The following FANCB variants were observed in gnomAD, a reference collection of about 807,000 sequenced individuals.
FANCB encodes FA complementation group B, also known as Fanconi anemia group B protein.
In FANCB, 5 loss-of-function variants were observed where a neutral mutation model predicts 38.9. The observed-to-expected ratio is 0.13, with a 90% CI of 0.07 to 0.27. The LOEUF is 0.27. Ranked by LOEUF, FANCB falls within the 10% of genes least tolerant of loss-of-function variation. FANCB has a pLI of 1.00. For missense variants in FANCB, 573 were observed against 602.7 expected (o/e 0.95, Z 0.52); for synonymous variants, 236 against 215.4 (o/e 1.10, Z -0.84).
downstream of FANCB, among the ~76,000 whole-genome samples, chrX:14,833,789 G>A (rs779560531): frequency 4.6e-5 from 5 of 109,515 alleles, no homozygotes; most frequent in South Asian, 7.9e-4. Context: ...GTGAAACCTC[G>A]TCTCTTAAAA....
the FANCB span, among the ~76,000 whole-genome samples, chrX:14,698,681 CAAAAAAAA>C: frequency 1.7e-3 from 35 of 21,137 alleles, no homozygotes; most frequent in East Asian, 0.051. Flanking sequence ...CTATCTATCT[CAAAAAAAA>C]AAAAAAAAAA....
chrX:14,868,384 T>C (rs1455594403), intron 2 of FANCB, among the ~76,000 whole-genome samples: 1 of 112,159 alleles, frequency 8.9e-6, no homozygotes, highest in Non-Finnish European at 1.9e-5. Context: ...ATACTATTAA[T>C]ACAGCCACAA....
At chrX:14,860,881 C>A (rs1229680011) in intron 3 of FANCB, among the ~76,000 whole-genome samples, 1 of 110,391 alleles carries the variant, frequency 9.1e-6, no homozygotes, top group Non-Finnish European at 1.9e-5. Flanking sequence ...ATTTTATTGA[C>A]AGATGGATTT....
chrX:14,763,729 C>T, the FANCB span, among the ~76,000 whole-genome samples: 1 of 111,827 alleles, frequency 8.9e-6, no homozygotes, highest in African/African-American at 3.2e-5. Flanking sequence ...CTAATGCTTG[C>T]TCCTACAACT....
chrX:14,785,113 G>A, the FANCB span, among the ~76,000 whole-genome samples: 2 of 111,431 alleles, frequency 1.8e-5, no homozygotes, highest in African/African-American at 6.5e-5. Flanking sequence ...ACACCACCAT[G>A]GCACACGTTT....
the FANCB span, among the ~76,000 whole-genome samples, chrX:14,738,512 G>T: frequency 2.7e-5 from 3 of 111,975 alleles, no homozygotes; most frequent in African/African-American, 9.7e-5. Context: ...AAAAACATTG[G>T]TGAAGGAGGA....
At chrX:14,702,501 T>C in the FANCB span, among the ~76,000 whole-genome samples, 1 of 112,375 alleles carries the variant, frequency 8.9e-6, no homozygotes, top group African/African-American at 3.2e-5. Flanking sequence ...CTGGGATGTA[T>C]ATTATAAACT....
At chrX:14,855,310 T>C (rs1158042752) in intron 5 of FANCB, among the ~76,000 whole-genome samples, 1 of 112,188 alleles carries the variant, frequency 8.9e-6, no homozygotes, top group South Asian at 3.7e-4. Context: ...TTACGTCATG[T>C]GCAAAATGGT....
At chrX:14,868,097 C>G (rs1379304309) in intron 2 of FANCB, among the ~76,000 whole-genome samples, 1 of 111,532 alleles carries the variant, frequency 9.0e-6, no homozygotes, top group Non-Finnish European at 1.9e-5. Context: ...GGAACACTTA[C>G]ACACTGCTGG....
chrX:14,842,563 T>C (rs1448394263), downstream of FANCB, among the ~76,000 whole-genome samples: 5 of 112,061 alleles, frequency 4.5e-5, no homozygotes, highest in Non-Finnish European at 9.4e-5. Flanking sequence ...TTCTTATTTT[T>C]CAAAGAAAAG....
chrX:14,851,734 CA>C (rs1430848117), intron 6 of FANCB, among the ~76,000 whole-genome samples: 1 of 112,063 alleles, frequency 8.9e-6, no homozygotes, highest in East Asian at 2.8e-4. Context: ...CTAAAATTGG[CA>C]AAATCATTGA....
chrX:14,745,731 A>G, the FANCB span, among the ~76,000 whole-genome samples: 2 of 75,745 alleles, frequency 2.6e-5, no homozygotes, highest in Non-Finnish European at 4.6e-5. Flanking sequence ...ACAGAGTCTC[A>G]CTCTGTCGCC....
the FANCB span, among the ~76,000 whole-genome samples, chrX:14,765,833 G>A: frequency 4.5e-5 from 5 of 111,630 alleles, no homozygotes; most frequent in East Asian, 1.1e-3. Context: ...CCACTCTGCC[G>A]CCGGAGAAAT....
the FANCB span, among the ~76,000 whole-genome samples, chrX:14,819,139 T>C: frequency 8.9e-6 from 1 of 111,991 alleles, no homozygotes; most frequent in East Asian, 2.8e-4. Flanking sequence ...GTCATACAGG[T>C]GGCTAGTGGT....
chrX:14,848,996 T>C lies in FANCB; in HGVS notation c.1496+1509A>G, dbSNP rs143526683. Among the ~76,000 whole-genome samples, 539 of 111,237 alleles carry C rather than the reference T, an allele frequency of 4.8e-3. 4 individuals carry two copies. Among genetic ancestry groups the C allele is most frequent in the African/African-American group, 0.017 (525 of 30,523 alleles). On this transcript the variant is annotated intron_variant, in intron 7 of 9. Transcript: ENST00000650831. ...GCCTAGGAACAAAGAGAGAGCCCCG[T>C]TGCATTGCGGGCTGCTGGCCAGATC...
Position 14,865,282 on chromosome X carries a change from T to G in FANCB, c.229A>C (p.Met77Leu). Residue 77 changes from methionine to leucine, a missense_variant, in exon 3 of 10, where the codon ATG becomes CTG. Physicochemically the swap from Met to Leu is conservative, Grantham distance 15. Transcript: ENST00000650831. ...IKEENSHLKI[M>L]CCNCVSDFRT... The stretch of plus-strand genomic sequence containing the variant: ...AAATCTGACACACAGTTGCAACACA[T>G]GATTTTTAAATGAGAGTTTTCTTCC... 1 of 1,156,533 alleles carries G rather than the reference T, an allele frequency of 8.6e-7. No homozygotes were observed. The highest frequency in any genetic ancestry group is 3.0e-5 in the East Asian group (1 of 33,440).
At chrX:14,799,554 T>C in the FANCB span, among the ~76,000 whole-genome samples, 59 of 111,811 alleles carry the variant, frequency 5.3e-4, 2 homozygotes, top group Non-Finnish European at 3.2e-4. Context: ...TGGAATTGAG[T>C]AATGAGTAGA....
chrX:14,795,751 T>A, the FANCB span, among the ~76,000 whole-genome samples: 1 of 111,886 alleles, frequency 8.9e-6, no homozygotes, highest in Non-Finnish European at 1.9e-5. Context: ...AACACAAAGA[T>A]GTCTACACCA....
intron 2 of FANCB, among the ~76,000 whole-genome samples, chrX:14,867,834 G>A (rs368564454): frequency 9.2e-5 from 10 of 109,046 alleles, no homozygotes; most frequent in Non-Finnish European, 1.9e-4. Flanking sequence ...CATCTGACAG[G>A]GGATTAATAT....
Sources: allele counts gnomAD v4.1 joint callset (sites outside exome capture counted in the v4.1 genomes callset), GRCh38; gene constraint gnomAD v4.1.1; transcripts MANE v1.5; gene names NCBI Gene and HGNC (gene_info 2026-07-23, HGNC 2026-07-21).